STPG2: variants seen among roughly 807,000 people sequenced by gnomAD.
STPG2 encodes sperm-tail PG-rich repeat-containing protein 2.
In STPG2, 56 loss-of-function variants were observed where a neutral mutation model predicts 54.2. The observed-to-expected ratio is 1.03, with a 90% CI of 0.83 to 1.29. The LOEUF (loss-of-function observed/expected upper bound fraction) is 1.29. Among genes scored for constraint, STPG2 ranks in the 50% most tolerant of loss-of-function variants. STPG2 has a pLI of 0.00. For missense variants in STPG2, 596 were observed against 544.9 expected (o/e 1.09, Z -0.93); for synonymous variants, 200 against 181.8 (o/e 1.10, Z -0.81).
chr4:98,064,560 C>T (rs1369797984), intron 5 of STPG2, among the ~76,000 whole-genome samples: 1 of 152,180 alleles, frequency 6.6e-6, no homozygotes, highest in Non-Finnish European at 1.5e-5. Context: ...TTTTCCTGCA[C>T]ATCATCTTGT....
intron 8 of STPG2, among the ~76,000 whole-genome samples, chr4:97,876,207 T>C (rs1730164558): frequency 6.6e-6 from 1 of 152,048 alleles, no homozygotes; most frequent in Non-Finnish European, 1.5e-5. Context: ...AAAATCCCCT[T>C]AAGTATGCAC....
intron 1 of STPG2, among the ~76,000 whole-genome samples, chr4:98,135,903 T>C (rs1027957411): frequency 1.3e-5 from 2 of 151,606 alleles, no homozygotes; most frequent in Non-Finnish European, 3.0e-5. Context: ...CATATATAAA[T>C]ACACACACAT....
chr4:97,883,364 A>T (rs1041360390), intron 8 of STPG2, among the ~76,000 whole-genome samples: 1 of 151,924 alleles, frequency 6.6e-6, no homozygotes, highest in Non-Finnish European at 1.5e-5. Flanking sequence ...CTCCAGCCTA[A>T]GTGACAGAGC....
chr4:97,823,459 T>A (rs1475575457), intron 9 of STPG2, among the ~76,000 whole-genome samples: 1 of 152,250 alleles, frequency 6.6e-6, no homozygotes, highest in Non-Finnish European at 1.5e-5. Context: ...ATTTTAAGCC[T>A]GCTGTTGAGA....
intron 5 of STPG2, among the ~76,000 whole-genome samples, chr4:98,036,054 C>T (rs1297253133): frequency 2.0e-5 from 3 of 151,894 alleles, no homozygotes; most frequent in African/African-American, 7.3e-5. Context: ...TGTAACAAAC[C>T]TACATGTTCT....
At chr4:97,941,018 G>A (rs1732959289) in intron 8 of STPG2, among the ~76,000 whole-genome samples, 1 of 151,896 alleles carries the variant, frequency 6.6e-6, no homozygotes, top group South Asian at 2.1e-4. Context: ...ATGAACTATT[G>A]CATGTCAGAA....
At chr4:98,076,774 A>G (rs528097866) in intron 5 of STPG2, among the ~76,000 whole-genome samples, 1 of 152,246 alleles carries the variant, frequency 6.6e-6, no homozygotes, top group East Asian at 1.9e-4. Context: ...TCCAAATTAC[A>G]ACTTCACTAT....
chr4:98,142,436 G>A (rs1740323369), intron 1 of STPG2, among the ~76,000 whole-genome samples: 1 of 151,994 alleles, frequency 6.6e-6, no homozygotes, highest in Non-Finnish European at 1.5e-5. Flanking sequence ...CAAACGAGGA[G>A]AGCAAATATT....
intron 9 of STPG2, among the ~76,000 whole-genome samples, chr4:97,801,755 T>G (rs1415520611): frequency 6.6e-6 from 1 of 152,158 alleles, no homozygotes; most frequent in Non-Finnish European, 1.5e-5. Flanking sequence ...CTTCACAGCA[T>G]AGCAGGCCAT....
chr4:97,522,713 G>A (rs1731207033), intron 4 of STPG2, among the ~76,000 whole-genome samples: 1 of 151,940 alleles, frequency 6.6e-6, no homozygotes, highest in Admixed American at 6.6e-5. Context: ...ATGTTAGGAA[G>A]TTGTCTTACA....
chr4:97,679,127 T>C (rs1722946358), intron 10 of STPG2, among the ~76,000 whole-genome samples: 1 of 152,182 alleles, frequency 6.6e-6, no homozygotes, highest in South Asian at 2.1e-4. Context: ...TTATAGTCCT[T>C]TGGGTATATA....
chr4:97,597,206 A>C (rs1359938949), intron 10 of STPG2, among the ~76,000 whole-genome samples: 1 of 152,178 alleles, frequency 6.6e-6, no homozygotes, highest in Non-Finnish European at 1.5e-5. Context: ...AGAATGCGCT[A>C]GGAAGAAACT....
chr4:97,652,783 A>C (rs72890900), intron 10 of STPG2, among the ~76,000 whole-genome samples: 20,717 of 151,942 alleles, frequency 0.14, 4,110 homozygotes, highest in African/African-American at 0.44. Flanking sequence ...GTTTTAAAGA[A>C]AAGAAAATTT....
intron 4 of STPG2, among the ~76,000 whole-genome samples, chr4:97,513,928 TA>T (rs1409999843): frequency 6.6e-6 from 1 of 152,098 alleles, no homozygotes; most frequent in African/African-American, 2.4e-5. Context: ...AGGAAATTAT[TA>T]ACAGTGCCCA....
At position 97,586,642 on chromosome 4, in the gene STPG2, C is replaced by A. The variant is rs535361784; in HGVS notation, c.1321-27525G>T. On this transcript the variant is annotated intron_variant, in intron 10 of 10. Transcript: ENST00000295268. The stretch of plus-strand genomic sequence containing the variant: ...AGGCCAGCAGATTTGTCTTATAAAA[C>A]AAAGGATGCCAGAAAGAAATAGAAT... Among the ~76,000 whole-genome samples the A allele has an allele frequency of 1.3e-4, 19 of 151,930 alleles. No homozygotes were observed. The South Asian group carries it at 3.7e-3, about 30-fold the overall frequency.
intron 8 of STPG2, among the ~76,000 whole-genome samples, chr4:97,901,386 A>C (rs1442398640): frequency 6.6e-6 from 1 of 152,000 alleles, no homozygotes; most frequent in Admixed American, 6.6e-5. Flanking sequence ...AGAAAAGAAG[A>C]AGCAAAATTG....
chr4:97,621,453 C>T (rs1734008524), intron 10 of STPG2, among the ~76,000 whole-genome samples: 1 of 152,052 alleles, frequency 6.6e-6, no homozygotes, highest in African/African-American at 2.4e-5. Flanking sequence ...GAGATGTTAT[C>T]ACTGACCCCA....
intron 8 of STPG2, among the ~76,000 whole-genome samples, chr4:97,870,717 G>C (rs1288382908): frequency 6.6e-6 from 1 of 151,216 alleles, no homozygotes; most frequent in African/African-American, 2.4e-5. Context: ...AAGCATACTA[G>C]TAGGAGTCAT....
At chr4:97,653,132 TAGAC>T (rs1553946808) in intron 10 of STPG2, among the ~76,000 whole-genome samples, 3 of 151,918 alleles carry the variant, frequency 2.0e-5, no homozygotes, top group African/African-American at 7.2e-5. Context: ...GATAGATAGA[TAGAC>T]AGATACTATC....
Sources: allele counts gnomAD v4.1 joint callset (sites outside exome capture counted in the v4.1 genomes callset), GRCh38; gene constraint gnomAD v4.1.1; transcripts MANE v1.5; gene names NCBI Gene and HGNC (gene_info 2026-07-23, HGNC 2026-07-21).